The following RNF157 variants were observed in gnomAD, a reference collection of about 807,000 sequenced individuals.
The protein encoded by RNF157 is E3 ubiquitin ligase RNF157.
RNF157 carries 55 observed loss-of-function variants against 88.3 expected under a neutral mutation model. The observed-to-expected ratio is 0.62, with a 90% CI of 0.50 to 0.78. The LOEUF (loss-of-function observed/expected upper bound fraction) is 0.78, where lower values mean the gene tolerates loss of function less well. Among genes scored for constraint, RNF157 ranks in the 30% least tolerant of loss-of-function variants. RNF157 has a pLI of 0.00. For missense variants in RNF157, 788 were observed against 860.8 expected (o/e 0.92, Z 1.06); for synonymous variants, 334 against 341.2 (o/e 0.98, Z 0.23).
At chr17:76,196,074 G>A (rs752042090) in intron 2 of RNF157, among the ~76,000 whole-genome samples, 5 of 152,156 alleles carry the variant, frequency 3.3e-5, no homozygotes, top group East Asian at 1.9e-4. Flanking sequence ...GCTCTGAGCC[G>A]CTACTCTCAA....
At position 76,152,380 on chromosome 17, in the gene RNF157, C is replaced by G; in HGVS notation, c.1896G>C (p.Lys632Asn). 6.2e-7 allele frequency: 1 copy of G among 1,611,486 alleles called. No individual in the cohort carries two copies. Among genetic ancestry groups the G allele is most frequent in the Non-Finnish European group, 8.5e-7 (1 of 1,177,598 alleles). The part of the protein sequence containing the change: ...DIASVKALDN[K>N]LCSEVCLPGA... ...CAGGTAAGCAGACCTCAGAGCACAG[C>G]TTATTGTCCAGTGCTTTCACGCTTG... The change falls in exon 18 of 19, where the codon AAG (lysine) becomes AAC (asparagine). Residue 632 changes from lysine to asparagine, a missense_variant. Lys to Asn is a moderately conservative substitution (Grantham distance 94). Coordinates refer to ENST00000269391, the MANE Select transcript of RNF157 (RefSeq NM_052916.3).
chr17:76,194,926 A>G (rs896890432), intron 2 of RNF157, among the ~76,000 whole-genome samples: 1 of 152,114 alleles, frequency 6.6e-6, no homozygotes, highest in African/African-American at 2.4e-5. Context: ...GAGGCAGCAG[A>G]ATGGCGTGAA....
intron 2 of RNF157, among the ~76,000 whole-genome samples, chr17:76,194,287 T>G (rs932241423): frequency 6.6e-6 from 1 of 152,172 alleles, no homozygotes; most frequent in Non-Finnish European, 1.5e-5. Flanking sequence ...ATCGTTTTGC[T>G]CTTTCCAGAA....
intron 1 of RNF157, among the ~76,000 whole-genome samples, chr17:76,228,395 T>C (rs1473881197): frequency 6.6e-6 from 1 of 152,176 alleles, no homozygotes; most frequent in Non-Finnish European, 1.5e-5. Context: ...ACCCATACTT[T>C]CTTCCAGTCT....
chr17:76,224,788 C>A (rs916391689), intron 1 of RNF157, among the ~76,000 whole-genome samples: 14 of 152,018 alleles, frequency 9.2e-5, no homozygotes, highest in African/African-American at 3.4e-4. Flanking sequence ...ATTTGTGTTG[C>A]GCTGCATTCA....
At chr17:76,152,545 G>A in intron 17 of RNF157, 80 bp from the exon 18 acceptor site, 5 of 810,244 alleles carry the variant, frequency 6.2e-6, no homozygotes, top group Middle Eastern at 2.3e-4. Context: ...AAAATCTTAA[G>A]GATGGAGACA....
At chr17:76,184,417 CT>C (rs1413650709) in intron 2 of RNF157, among the ~76,000 whole-genome samples, 1 of 152,102 alleles carries the variant, frequency 6.6e-6, no homozygotes, top group Non-Finnish European at 1.5e-5. Context: ...TGCTTCCCTT[CT>C]CCTGAGATAC....
At chr17:76,164,486 C>A in intron 8 of RNF157, 1 of 306,782 alleles carries the variant, frequency 3.3e-6, no homozygotes, top group South Asian at 1.2e-4. Flanking sequence ...TAAAGGCTCC[C>A]TCAACACCAA....
chr17:76,182,796 A>G (rs1207040040), intron 2 of RNF157, among the ~76,000 whole-genome samples: 1 of 126,546 alleles, frequency 7.9e-6, no homozygotes, highest in Non-Finnish European at 1.6e-5. Context: ...TATGAGAGAT[A>G]TATATATGAG....
intron 18 of RNF157, chr17:76,147,231 G>A (rs990499337): frequency 6.9e-5 from 68 of 983,438 alleles, no homozygotes; most frequent in Non-Finnish European, 7.7e-5. Context: ...AATAAAATGA[G>A]CTGTTTGTTC....
In RNF157 at chr17:76,161,093, G is replaced by A. The variant is rs2068838577; in HGVS notation, c.1065+442C>T. ...GCTTTGAGGTTTCACCCTAATATCA[G>A]CACTTACACTAGGAAACTGAAGTCA... On this transcript the variant is annotated intron_variant, in intron 11 of 18. Transcript: ENST00000269391. This position sits in a 1 kb window ranked among gnomAD's most constrained non-coding sequence, Gnocchi z 4.6. Among the ~76,000 whole-genome samples the A allele has an allele frequency of 6.6e-6, 1 of 152,158 alleles. No individual in the cohort carries two copies. The highest frequency in any genetic ancestry group is 6.5e-5 in the Admixed American group (1 of 15,270).
chr17:76,200,168 G>T (rs1034756268), intron 2 of RNF157, among the ~76,000 whole-genome samples: 2 of 152,010 alleles, frequency 1.3e-5, no homozygotes, highest in African/African-American at 4.8e-5. Flanking sequence ...TGTGAACCTG[G>T]GAAGCGGAGC....
intron 9 of RNF157, 71 bp downstream of exon 9, chr17:76,162,481 T>C: frequency 8.6e-7 from 1 of 1,168,378 alleles, no homozygotes; most frequent in Admixed American, 1.8e-5. Flanking sequence ...GCTAAATTTC[T>C]GGACGCTGGC....
intron 3 of RNF157, among the ~76,000 whole-genome samples, chr17:76,170,154 G>A (rs2068992112): frequency 6.6e-6 from 1 of 151,988 alleles, no homozygotes; most frequent in Non-Finnish European, 1.5e-5. Context: ...CTTGACAAAG[G>A]CCTGGCTGCC....
intron 3 of RNF157, among the ~76,000 whole-genome samples, chr17:76,170,655 T>G (rs1445694651): frequency 1.3e-5 from 2 of 152,128 alleles, no homozygotes; most frequent in African/African-American, 4.8e-5. Flanking sequence ...CCACCTCAAC[T>G]TCTAGAGGGA....
At chr17:76,201,273 C>A (rs2069572101) in intron 2 of RNF157, among the ~76,000 whole-genome samples, 1 of 148,762 alleles carries the variant, frequency 6.7e-6, no homozygotes, top group African/African-American at 2.5e-5. Flanking sequence ...ATTGTTTGAG[C>A]CCAAGAGTTC....
At chr17:76,194,888 G>A (rs574785725) in intron 2 of RNF157, among the ~76,000 whole-genome samples, 7 of 152,162 alleles carry the variant, frequency 4.6e-5, no homozygotes, top group Admixed American at 3.3e-4. Flanking sequence ...GGTGGCGGGC[G>A]CCTGTAGTCC....
intron 2 of RNF157, among the ~76,000 whole-genome samples, chr17:76,182,340 A>G (rs1228249749): frequency 6.6e-6 from 1 of 152,062 alleles, no homozygotes; most frequent in East Asian, 1.9e-4. Flanking sequence ...AGCACATCAC[A>G]TCGGCAAAGC....
intron 1 of RNF157, among the ~76,000 whole-genome samples, chr17:76,220,465 G>GA (rs1282521967): frequency 3.3e-5 from 5 of 151,438 alleles, no homozygotes; most frequent in Non-Finnish European, 7.4e-5. Context: ...CAATTAAAGG[G>GA]AAAGCCTCAA....
Sources: allele counts gnomAD v4.1 joint callset (sites outside exome capture counted in the v4.1 genomes callset), GRCh38; gene constraint gnomAD v4.1.1; non-coding constraint Gnocchi (gnomAD v3.1); transcripts MANE v1.5; gene names NCBI Gene and HGNC (gene_info 2026-07-23, HGNC 2026-07-21).